Variants in EPM2A observed in about 807,000 individuals in gnomAD.
EPM2A encodes the protein laforin.
A neutral mutation model predicts 26.5 loss-of-function variants in EPM2A; 21 were observed. That is an observed-to-expected ratio of 0.79 (90% CI 0.56 to 1.14). EPM2A has a LOEUF of 1.14. Among genes scored for constraint, EPM2A ranks in the 50% most tolerant of loss-of-function variants. EPM2A has a pLI of 0.00. For missense variants in EPM2A, 458 were observed against 440.8 expected (o/e 1.04, Z -0.35); for synonymous variants, 217 against 177.6 (o/e 1.22, Z -1.76).
At chr6:145,687,860 C>G (rs1484404501) in intron 1 of EPM2A, among the ~76,000 whole-genome samples, 1 of 152,040 alleles carries the variant, frequency 6.6e-6, no homozygotes, top group Non-Finnish European at 1.5e-5. Context: ...TCGACGACTA[C>G]AAGGTGCTGC....
At chr6:145,694,805 A>G (rs1321861877) in intron 1 of EPM2A, among the ~76,000 whole-genome samples, 1 of 152,028 alleles carries the variant, frequency 6.6e-6, no homozygotes, top group South Asian at 2.1e-4. Context: ...AACTGTCAGT[A>G]CAACCTACCA....
chr6:145,413,814 C>T (rs1380709369), intron 4 of EPM2A, among the ~76,000 whole-genome samples: 2 of 152,172 alleles, frequency 1.3e-5, no homozygotes, highest in South Asian at 2.1e-4. Flanking sequence ...CGCAAGTAGA[C>T]GGAAGCATTT....
intron 2 of EPM2A, among the ~76,000 whole-genome samples, chr6:145,565,217 C>A (rs904335390): frequency 2.6e-5 from 3 of 114,418 alleles, no homozygotes; most frequent in African/African-American, 8.7e-5. Context: ...CAAGGTAGCA[C>A]CCTTGGTTTT....
chr6:145,610,943 T>G (rs948924952), intron 2 of EPM2A, among the ~76,000 whole-genome samples: 5 of 152,206 alleles, frequency 3.3e-5, no homozygotes, highest in African/African-American at 1.2e-4. Flanking sequence ...CCTAAATTAT[T>G]TTCATTTGAA....
intron 4 of EPM2A, among the ~76,000 whole-genome samples, chr6:145,422,712 A>G (rs1248497641): frequency 6.6e-6 from 1 of 152,068 alleles, no homozygotes; most frequent in Non-Finnish European, 1.5e-5. Flanking sequence ...TTTTTTTCTC[A>G]GTTTTATTGG....
intron 2 of EPM2A, among the ~76,000 whole-genome samples, chr6:145,524,555 GT>G (rs1343627315): frequency 1.2e-4 from 18 of 151,994 alleles, no homozygotes. Flanking sequence ...TCATATGTTT[GT>G]TGGCCACTTG....
At chr6:145,422,147 A>G (rs2114684460) in intron 4 of EPM2A, among the ~76,000 whole-genome samples, 1 of 146,228 alleles carries the variant, frequency 6.8e-6, no homozygotes, top group African/African-American at 2.5e-5. Context: ...ATCTCTATAT[A>G]TTAATATAAA....
chr6:145,462,732 A>T (rs1383368061), intron 4 of EPM2A, among the ~76,000 whole-genome samples: 1 of 152,166 alleles, frequency 6.6e-6, no homozygotes, highest in Non-Finnish European at 1.5e-5. Context: ...ACACTATGTC[A>T]ACACATCTCT....
At chr6:145,522,047 G>T (rs1454605048) in intron 2 of EPM2A, among the ~76,000 whole-genome samples, 1 of 152,138 alleles carries the variant, frequency 6.6e-6, no homozygotes, top group Non-Finnish European at 1.5e-5. Context: ...CCACCTCCCG[G>T]GTTCACGCCA....
chr6:145,602,557 C>G (rs940060376), intron 2 of EPM2A, among the ~76,000 whole-genome samples: 1 of 152,126 alleles, frequency 6.6e-6, no homozygotes, highest in Non-Finnish European at 1.5e-5. Context: ...GTCATAATGC[C>G]AGATGAGTCA....
intron 4 of EPM2A, among the ~76,000 whole-genome samples, chr6:145,393,885 G>A (rs1321632428): frequency 2.6e-5 from 4 of 151,194 alleles, no homozygotes; most frequent in East Asian, 3.9e-4. Flanking sequence ...GTGCAGTGGC[G>A]TGGTCTTGGC....
rs551892307 is a variant in EPM2A, at chr6:145,451,558, A to G, written c.555+50964T>C. On this transcript the variant is annotated intron_variant, in intron 4 of 4. Transcript: ENST00000638717. ...AGTCAGATTTTCTTTATATTCTTCA[A>G]TTAAAACAATATGCTGCAAGAGACC... 5.3e-5 allele frequency among the ~76,000 whole-genome samples: 8 copies of G among 152,380 alleles called. No homozygotes were observed. The East Asian group carries it at 7.7e-4, about 15-fold the overall frequency.
At chr6:145,713,371 A>G (rs1462773370) in intron 1 of EPM2A, among the ~76,000 whole-genome samples, 1 of 152,226 alleles carries the variant, frequency 6.6e-6, no homozygotes, top group Non-Finnish European at 1.5e-5. Flanking sequence ...AAGCCCACTG[A>G]AAATGGGCAG....
At chr6:145,423,113 C>T (rs990274489) in intron 4 of EPM2A, among the ~76,000 whole-genome samples, 1 of 152,052 alleles carries the variant, frequency 6.6e-6, no homozygotes, top group Non-Finnish European at 1.5e-5. Flanking sequence ...CAACACCTTT[C>T]CTTTTTCTTA....
Position 145,626,668 on chromosome 6 carries a change from A to T in EPM2A, c.*748T>A, listed in dbSNP as rs117758752. On this transcript the variant is annotated 3_prime_UTR_variant, in exon 4 of 4. Coordinates refer to ENST00000367519, the MANE Select transcript of EPM2A (RefSeq NM_005670.4). ...AACTCCAGCTTGCCCTTGACTGGTC[A>T]TGAGACCTTGGACAAGCTACCTATG... 1,142 of 980,316 alleles carry T rather than the reference A, an allele frequency of 1.2e-3. 30 individuals carry two copies. The East Asian group carries it at 0.067, about 57-fold the overall frequency. 60.7% of individuals were successfully genotyped at this position (980,316 alleles called of 1,614,324 possible).
chr6:145,587,234 A>C (rs1470382443), intron 2 of EPM2A, among the ~76,000 whole-genome samples: 1 of 152,232 alleles, frequency 6.6e-6, no homozygotes, highest in Non-Finnish European at 1.5e-5. Flanking sequence ...ATTTGAAAGA[A>C]GCATTGTCAT....
At chr6:145,667,954 A>G (rs1392513187) in intron 2 of EPM2A, among the ~76,000 whole-genome samples, 1 of 148,500 alleles carries the variant, frequency 6.7e-6, no homozygotes, top group Non-Finnish European at 1.5e-5. Context: ...CATAGGTGGG[A>G]ATTAAACAAT....
At chr6:145,437,547 G>A (rs906285649) in intron 4 of EPM2A, among the ~76,000 whole-genome samples, 1 of 152,130 alleles carries the variant, frequency 6.6e-6, no homozygotes, top group African/African-American at 2.4e-5. Flanking sequence ...TTTTCACCAA[G>A]AATCAGTTGA....
Position 145,418,234 on chromosome 6 carries a change from T to C in EPM2A, c.556-34137A>G, listed in dbSNP as rs186555270. On this transcript the variant is annotated intron_variant, in intron 4 of 4. Coordinates refer to the EPM2A transcript ENST00000638717. ...TATACCTGCTCCTCAGGAAATGCTC[T>C]GAGAGATCGGAGACAAATGGATGCA... Among the ~76,000 whole-genome samples the C allele has an allele frequency of 5.3e-4, 80 of 152,348 alleles. No individual in the cohort carries two copies. In the East Asian group the frequency reaches 0.012, roughly 23 times the overall value.
Sources: gnomAD v4.1 joint callset for allele counts (sites outside exome capture counted in the v4.1 genomes callset) on GRCh38, gnomAD v4.1.1 for gene constraint, MANE v1.5 for transcripts, NCBI Gene and HGNC (gene_info 2026-07-23, HGNC 2026-07-21) for gene names.